CXCL14: variants seen among roughly 807,000 people sequenced by gnomAD.
The protein encoded by CXCL14 is C-X-C motif chemokine 14.
CXCL14 carries 9 observed loss-of-function variants against 16.1 expected under a neutral mutation model. The ratio of observed to expected loss-of-function variants is 0.56; its 90% CI spans 0.34 to 0.97. The LOEUF is 0.97. Among genes scored for constraint, CXCL14 ranks in the 50% least tolerant of loss-of-function variants. The probability of loss-of-function intolerance (pLI) is 0.02; values close to 1 mark genes in which losing one functional copy is unlikely to be tolerated. For missense variants in CXCL14, 111 were observed against 132.5 expected (o/e 0.84, Z 0.80); for synonymous variants, 55 against 52.8 (o/e 1.04, Z -0.18).
chr5:135,576,281 C>A (rs1250071249), intron 2 of CXCL14, among the ~76,000 whole-genome samples: 1 of 152,218 alleles, frequency 6.6e-6, no homozygotes, highest in East Asian at 1.9e-4. Context: ...CCACTGTGCC[C>A]AGTCACCCTG....
At chr5:135,571,949 C>T in intron 3 of CXCL14, 81 bp from the exon 4 acceptor site, 1 of 1,417,956 alleles carries the variant, frequency 7.1e-7, no homozygotes, top group Non-Finnish European at 9.9e-7. Context: ...CGGCTTCATT[C>T]ACGTCTGGTC....
intron 2 of CXCL14, among the ~76,000 whole-genome samples, chr5:135,577,167 G>T (rs533571398): frequency 1.3e-5 from 2 of 152,266 alleles, no homozygotes; most frequent in East Asian, 1.9e-4. Context: ...CCCCTGCAAG[G>T]TCTCAGAAAC....
At position 135,573,297 on chromosome 5, in the gene CXCL14, G is replaced by C. The variant is rs1751052254; in HGVS notation, c.284+1275C>G. On this transcript the variant is annotated intron_variant, in intron 3 of 3. Coordinates refer to ENST00000512158, the MANE Select transcript of CXCL14 (RefSeq NM_004887.5). ...CCACATGAGCTGCCTGGCTTGACCA[G>C]AAAGAGGGCTTCATTCCCAGCAGAT... Among the ~76,000 whole-genome samples the C allele has an allele frequency of 1.3e-5, 2 of 152,254 alleles. 1 individual carries two copies. The highest frequency in any genetic ancestry group is 4.1e-4 in the South Asian group (2 of 4,830).
intron 3 of CXCL14, among the ~76,000 whole-genome samples, chr5:135,573,720 G>A (rs1751057251): frequency 6.6e-6 from 1 of 151,802 alleles, no homozygotes; most frequent in South Asian, 2.1e-4. Flanking sequence ...GTGTGTGTGT[G>A]TGTGTGTGTG....
intron 2 of CXCL14, 43 bp from the exon 3 acceptor site, chr5:135,574,728 T>A: frequency 6.6e-7 from 1 of 1,505,746 alleles, no homozygotes. Context: ...GGAGCCTGAA[T>A]AACATGTTGC....
intron 3 of CXCL14, among the ~76,000 whole-genome samples, chr5:135,573,309 C>A (rs1019697944): frequency 1.3e-5 from 2 of 152,246 alleles, no homozygotes; most frequent in Non-Finnish European, 2.9e-5. Flanking sequence ...AAGAGGGCTT[C>A]ATTCCCAGCA....
chr5:135,577,520 C>T (rs1447757937), intron 2 of CXCL14, among the ~76,000 whole-genome samples: 2 of 152,198 alleles, frequency 1.3e-5, no homozygotes, highest in African/African-American at 2.4e-5. Flanking sequence ...GCACTGCTTT[C>T]GCAGACACTG....
chr5:135,573,864 C>T (rs1751059787), intron 3 of CXCL14, among the ~76,000 whole-genome samples: 1 of 152,254 alleles, frequency 6.6e-6, no homozygotes, highest in Middle Eastern at 3.4e-3. Context: ...CCTCCGAGGA[C>T]AGACATAAGA....
chr5:135,578,671 C>T (rs1416860351), intron 1 of CXCL14, 44 bp downstream of exon 1: 1 of 1,561,186 alleles, frequency 6.4e-7, no homozygotes, highest in Admixed American at 1.9e-5. Flanking sequence ...TTCCCCAGGA[C>T]AGGACAAGAC....
chr5:135,578,966 T>TGCGCTTGTCTCC lies in CXCL14; in HGVS notation c.-200_-189dup. 1 of 589,272 alleles carries TGCGCTTGTCTCC rather than the reference T, an allele frequency of 1.7e-6. No homozygotes were observed. 36.5% of individuals were successfully genotyped at this position (589,272 alleles called of 1,614,324 possible). On this transcript the variant is annotated 5_prime_UTR_variant, in exon 1 of 4. Coordinates refer to ENST00000512158, the MANE Select transcript of CXCL14 (RefSeq NM_004887.5). ...CTGTCTGTGGCCGTGCGCTGCGCTC[T>TGCGCTTGTCTCC]GCGCTTGTCTCCGCGCTCTCTCCAC... is the stretch of plus-strand genomic sequence containing the variant.
In CXCL14 at chr5:135,574,667, C is replaced by T; in HGVS notation, c.189G>A (p.Val63=). 1 of 1,613,756 alleles carries T rather than the reference C, an allele frequency of 6.2e-7. No individual in the cohort carries two copies. Among genetic ancestry groups the T allele is most frequent in the Non-Finnish European group, 8.5e-7 (1 of 1,179,880 alleles). The change falls in exon 3 of 4, where the codon GTG becomes GTA. Residue 63 remains valine, a synonymous_variant. Transcript: ENST00000512158. ...EKMVIITTKS[V]SRYRGQEHCL... ...AGTGCTCCTGACCTCGGTACCTGGACACGCTCTTGGTGGTGATGCTGAAAC... is the reference window on the plus strand; with the variant it reads ...AGTGCTCCTGACCTCGGTACCTGGATACGCTCTTGGTGGTGATGCTGAAAC...
intron 2 of CXCL14, among the ~76,000 whole-genome samples, chr5:135,576,752 C>A (rs927810351): frequency 5.9e-5 from 9 of 151,716 alleles, no homozygotes; most frequent in African/African-American, 1.9e-4. Flanking sequence ...CTACTCCTGC[C>A]CCCACCCCCA....
chr5:135,576,808 TG>T (rs1318645388), intron 2 of CXCL14, among the ~76,000 whole-genome samples: 71 of 151,930 alleles, frequency 4.7e-4, no homozygotes, highest in African/African-American at 1.6e-3. Flanking sequence ...CTGGAAAATT[TG>T]CTTTTGTTCA....
chr5:135,571,742 C>CCTT lies in CXCL14; in HGVS notation c.*110_*111insAAG. Reference sequence around the variant, plus strand: ...GTCTTATGCCTGTGAGAAAGAAAGGCTTTTTTTTTTTTTTTTTTTTTTTTT... The same window carrying CCTT: ...GTCTTATGCCTGTGAGAAAGAAAGGCCTTTTTTTTTTTTTTTTTTTTTTTTTTT... On this transcript the variant is annotated 3_prime_UTR_variant, in exon 4 of 4. Transcript: ENST00000512158. The CCTT allele has an allele frequency of 2.2e-6, 1 of 458,804 alleles. No homozygotes were observed. Among genetic ancestry groups the CCTT allele is most frequent in the South Asian group, 2.6e-5 (1 of 38,540 alleles). 28.4% of individuals were successfully genotyped at this position (458,804 alleles called of 1,614,324 possible). A position where few individuals can be genotyped will look rare whatever the true frequency, so the allele number is the denominator to read the frequency against.
chr5:135,575,419 G>A (rs1173576108), intron 2 of CXCL14, among the ~76,000 whole-genome samples: 1 of 152,216 alleles, frequency 6.6e-6, no homozygotes, highest in Non-Finnish European at 1.5e-5. Context: ...GTAAGGGCCT[G>A]GGACTGAATC....
intron 3 of CXCL14, 101 bp downstream of exon 3, chr5:135,574,471 A>AT: frequency 1.2e-6 from 1 of 839,304 alleles, no homozygotes; most frequent in Non-Finnish European, 2.0e-6. Flanking sequence ...GGGTGTTCAC[A>AT]TATTAGATGG....
intron 3 of CXCL14, 93 bp downstream of exon 3, chr5:135,574,479 T>C: frequency 1.1e-6 from 1 of 904,832 alleles, no homozygotes; most frequent in Non-Finnish European, 1.8e-6. Context: ...ACATATTAGA[T>C]GGGGCTAGAT....
Position 135,578,982 on chromosome 5 carries a change from C to T in CXCL14, c.-204G>A, listed in dbSNP as rs543857157. ...GCTGCGCTCTGCGCTTGTCTCCGCG[C>T]TCTCTCCACAGCCTCCCTCCGCCCG... On this transcript the variant is annotated 5_prime_UTR_variant, in exon 1 of 4. Transcript: ENST00000512158. 9 of 556,706 alleles carry T rather than the reference C, an allele frequency of 1.6e-5. No homozygotes were observed. Among genetic ancestry groups the T allele is most frequent in the Admixed American group, 4.1e-5 (1 of 24,536 alleles). 34.5% of individuals were successfully genotyped at this position (556,706 alleles called of 1,614,324 possible).
At chr5:135,574,983 C>T (rs937692379) in intron 2 of CXCL14, among the ~76,000 whole-genome samples, 2 of 152,146 alleles carry the variant, frequency 1.3e-5, no homozygotes, top group Non-Finnish European at 1.5e-5. Flanking sequence ...CAACCTCATG[C>T]AGTGTGTTGT....
Sources: allele counts gnomAD v4.1 joint callset (sites outside exome capture counted in the v4.1 genomes callset), GRCh38; gene constraint gnomAD v4.1.1; transcripts MANE v1.5; gene names NCBI Gene and HGNC (gene_info 2026-07-23, HGNC 2026-07-21).